Variants in PGPEP1L observed in about 807,000 individuals in gnomAD.
The protein encoded by PGPEP1L is pyroglutamyl-peptidase 1-like protein.
In PGPEP1L, 7 loss-of-function variants were observed where a neutral mutation model predicts 6.0. That is an observed-to-expected ratio of 1.17 (90% confidence interval 0.66 to 2.19). The LOEUF (loss-of-function observed/expected upper bound fraction) is 2.19. PGPEP1L is among the 30% of genes most tolerant of loss of function. PGPEP1L has a pLI of 0.00. For synonymous variants in PGPEP1L, 103 were observed against 83.9 expected (o/e 1.23, Z -1.24); for missense variants, 209 against 192.5 (o/e 1.09, Z -0.51).
intron 2 of PGPEP1L, among the ~76,000 whole-genome samples, chr15:98,978,624 T>A (rs2017604249): frequency 6.6e-6 from 1 of 151,540 alleles, no homozygotes; most frequent in Non-Finnish European, 1.5e-5. Flanking sequence ...CTGGACCAAA[T>A]TAGACATTCT....
rs779322513 is a variant in PGPEP1L at position 98,968,498 on chromosome 15, G to A, written c.409C>T (p.Leu137Phe). 2 of 1,613,500 alleles carry A rather than the reference G, an allele frequency of 1.2e-6. No individual in the cohort carries two copies. Among genetic ancestry groups the A allele is most frequent in the Admixed American group, 1.7e-5 (1 of 59,968 alleles). Residue 137 changes from leucine (L) to phenylalanine (F), a missense_variant, in exon 5 of 5, where the codon CTT (leucine) becomes TTT (phenylalanine). Transcript: ENST00000535714. ...CCCGGTCAGTTCCCTTTGGCTGGAA[G>A]GACCATGGTTGAGTTTTCTTCGAAC... ...AQFEENSTMV[L>F]PAKGN
chr15:99,001,017 C>T (rs1476396777), intron 2 of PGPEP1L, among the ~76,000 whole-genome samples: 1 of 152,110 alleles, frequency 6.6e-6, no homozygotes, highest in East Asian at 1.9e-4. Context: ...GAGGAATGAA[C>T]TCCAGACACG....
chr15:98,996,717 C>T (rs554620801), intron 2 of PGPEP1L, among the ~76,000 whole-genome samples: 1 of 152,010 alleles, frequency 6.6e-6, no homozygotes, highest in African/African-American at 2.4e-5. Context: ...GTGTTTGGTC[C>T]TCAGAGCTGC....
chr15:99,004,582 G>A (rs1555473388), intron 2 of PGPEP1L, among the ~76,000 whole-genome samples: 1 of 152,154 alleles, frequency 6.6e-6, no homozygotes, highest in Non-Finnish European at 1.5e-5. Flanking sequence ...GCTGGGCGTG[G>A]TGGTGCGTAC....
intron 2 of PGPEP1L, among the ~76,000 whole-genome samples, chr15:98,994,925 C>G (rs1555472360): frequency 6.6e-6 from 1 of 152,200 alleles, no homozygotes; most frequent in Non-Finnish European, 1.5e-5. Flanking sequence ...GACATTTACT[C>G]TAATTAGATT....
chr15:98,969,300 G>A (rs2017453705), intron 4 of PGPEP1L, 125 bp downstream of exon 4: 2 of 1,186,746 alleles, frequency 1.7e-6, no homozygotes, highest in Non-Finnish European at 2.4e-6. Flanking sequence ...GGCAATCTGG[G>A]GGCGGCACCG....
intron 2 of PGPEP1L, among the ~76,000 whole-genome samples, chr15:98,976,324 C>T (rs184072996): frequency 2.0e-4 from 30 of 152,264 alleles, no homozygotes; most frequent in Middle Eastern, 3.4e-3. Flanking sequence ...TTGCTCTGAA[C>T]GAAGACTAAA....
chr15:98,982,865 C>A (rs1460530994), intron 2 of PGPEP1L, among the ~76,000 whole-genome samples: 1 of 151,892 alleles, frequency 6.6e-6, no homozygotes, highest in Non-Finnish European at 1.5e-5. Context: ...CACCAGCCAC[C>A]ACGCCCAGCT....
intron 2 of PGPEP1L, among the ~76,000 whole-genome samples, chr15:98,971,410 C>T (rs2017495205): frequency 6.6e-6 from 1 of 152,152 alleles, no homozygotes; most frequent in Non-Finnish European, 1.5e-5. Flanking sequence ...AGGAGAATCA[C>T]TTGAACCTGG....
chr15:98,979,839 G>A (rs1220959279), intron 2 of PGPEP1L, among the ~76,000 whole-genome samples: 2 of 151,790 alleles, frequency 1.3e-5, no homozygotes, highest in South Asian at 2.1e-4. Flanking sequence ...TAGTAGAGAT[G>A]GGGTTTTACC....
At position 98,968,430 on chromosome 15, in the gene PGPEP1L, C is replaced by CA; in HGVS notation, c.*47dup. 6.4e-7 allele frequency: 1 copy of CA among 1,561,900 alleles called. No homozygotes were observed. The highest frequency in any genetic ancestry group is 8.7e-7 in the Non-Finnish European group (1 of 1,145,054). ...TTTCTCAATGCACAGTTGAGTGCTA[C>CA]ATACAGGATTGAAACATTCAATTTT... is the stretch of plus-strand genomic sequence containing the variant. On this transcript the variant is annotated 3_prime_UTR_variant, in exon 5 of 5. Coordinates refer to ENST00000535714, the MANE Select transcript of PGPEP1L (RefSeq NM_001167902.2).
At chr15:98,978,726 A>ATATAT (rs1446348988) in intron 2 of PGPEP1L, among the ~76,000 whole-genome samples, 19 of 85,234 alleles carry the variant, frequency 2.2e-4, no homozygotes, top group South Asian at 7.9e-4. Context: ...ATATATATAT[A>ATATAT]TTTTTTTTTT....
chr15:98,983,677 A>AG (rs1202239410), intron 2 of PGPEP1L, among the ~76,000 whole-genome samples: 1 of 152,220 alleles, frequency 6.6e-6, no homozygotes, highest in African/African-American at 2.4e-5. Context: ...GAGACTAAGA[A>AG]GGGAAGAGTG....
At position 98,997,654 on chromosome 15, in the gene PGPEP1L, T is replaced by A. The variant is rs531125779; in HGVS notation, c.-142+7775A>T. Among the ~76,000 whole-genome samples, 4 of 152,330 alleles carry A rather than the reference T, an allele frequency of 2.6e-5. No homozygotes were observed. In the East Asian group the frequency reaches 5.8e-4, roughly 22 times the overall value. On this transcript the variant is annotated intron_variant, in intron 2 of 4. Transcript: ENST00000535714. ...CTTTCTCTGTGCCCAGGTGCTAAAA[T>A]AGCTGCTTGTACAAAGTGGCTTTAC...
chr15:99,004,093 C>T (rs1263217781), intron 2 of PGPEP1L, among the ~76,000 whole-genome samples: 74 of 144,832 alleles, frequency 5.1e-4, no homozygotes, highest in African/African-American at 1.9e-3. Context: ...AACTTAAAAC[C>T]GGCCAAATGT....
rs1386657659 is a variant in PGPEP1L at position 99,007,567 on chromosome 15, C to T, written c.-578G>A. ...CTTCAGGAGTGAAGCTACGGACCTT[C>T]ATCATGAGTGCTACGGCTCTTAAGG... On this transcript the variant is annotated 5_prime_UTR_variant, in exon 1 of 5. It removes an upstream start codon present in the reference 5' UTR. Transcript: ENST00000535714. 2.6e-5 allele frequency: 4 copies of T among 152,068 alleles called. No homozygotes were observed. The highest frequency in any genetic ancestry group is 4.8e-5 in the African/African-American group (2 of 41,400). 9.4% of individuals were successfully genotyped at this position (152,068 alleles called of 1,614,324 possible).
chr15:99,006,183 C>A (rs1274338391), intron 1 of PGPEP1L, among the ~76,000 whole-genome samples: 14 of 152,216 alleles, frequency 9.2e-5, no homozygotes, highest in Non-Finnish European at 1.8e-4. Context: ...AAACGAGGAT[C>A]GCAGCACCGG....
chr15:98,999,470 C>A (rs1407813450), intron 2 of PGPEP1L, among the ~76,000 whole-genome samples: 1 of 152,160 alleles, frequency 6.6e-6, no homozygotes, highest in Non-Finnish European at 1.5e-5. Flanking sequence ...AGGTCACTCA[C>A]ACATTGCTGG....
intron 2 of PGPEP1L, among the ~76,000 whole-genome samples, 187 bp downstream of exon 2, chr15:99,005,242 G>T (rs1196367155): frequency 1.3e-5 from 2 of 152,146 alleles, no homozygotes; most frequent in Admixed American, 1.3e-4. Context: ...AAATGCCTGT[G>T]ATCCTGATTG....
Sources: allele counts gnomAD v4.1 joint callset (sites outside exome capture counted in the v4.1 genomes callset), GRCh38; gene constraint gnomAD v4.1.1; transcripts MANE v1.5; gene names NCBI Gene and HGNC (gene_info 2026-07-23, HGNC 2026-07-21).